Variants in RSF1 observed in about 807,000 individuals in gnomAD.
The protein encoded by RSF1 is HBV pX-associated protein 8.
A neutral mutation model predicts 145.2 loss-of-function variants in RSF1; 13 were observed. The observed-to-expected ratio is 0.09, with a 90% confidence interval of 0.06 to 0.14. RSF1 has a LOEUF of 0.14. Ranked by LOEUF, RSF1 falls within the 10% of genes least tolerant of loss-of-function variation. The pLI is 1.00. For synonymous variants in RSF1, 577 were observed against 592.6 expected (o/e 0.97, Z 0.38); for missense variants, 1,517 against 1,718.2 (o/e 0.88, Z 2.07).
At chr11:77,730,546 C>T (rs2154988) in intron 4 of RSF1, among the ~76,000 whole-genome samples, 27,191 of 152,000 alleles carry the variant, frequency 0.18, 3,056 homozygotes, top group African/African-American at 0.3. Context: ...TCCTTTTCCC[C>T]ACCAAAGCAA....
rs1439704601 is a variant in RSF1, at chr11:77,697,236, AT to A, written c.2715+1250del. ...GAGGCTGGAGAACCACTTCTTAGGA[AT>A]TTTCCAAACTTTAGAGGATCTCAAA... On this transcript the variant is annotated intron_variant, in intron 7 of 15. Transcript: ENST00000308488. Among the ~76,000 whole-genome samples, 3 of 151,748 alleles carry A rather than the reference AT, an allele frequency of 2.0e-5. No individual in the cohort carries two copies. The South Asian group carries it at 6.2e-4, about 31-fold the overall frequency.
chr11:77,859,587 G>A, the RSF1 span, among the ~76,000 whole-genome samples: 1 of 152,268 alleles, frequency 6.6e-6, no homozygotes, highest in Middle Eastern at 3.4e-3. Context: ...CTGAGCACTA[G>A]TTCCTGGAGT....
chr11:77,785,925 C>CAAAAAAAAA (rs10661397), intron 1 of RSF1, among the ~76,000 whole-genome samples: 2 of 37,140 alleles, frequency 5.4e-5, no homozygotes, highest in African/African-American at 9.8e-5. Context: ...GATTCTGTCT[C>CAAAAAAAAA]AAAAAAAAAA....
rs146455875 is a variant in RSF1 at position 77,700,944 on chromosome 11, G to A, written c.2285C>T (p.Thr762Ile). Residue 762 changes from threonine to isoleucine, a missense_variant, in exon 6 of 16, where the codon ACA becomes ATA. By Grantham distance (89) the Thr-to-Ile change is moderately conservative. Coordinates refer to ENST00000308488, the MANE Select transcript of RSF1 (RefSeq NM_016578.4). ...ATTTGTTTTCTCCTCTTCCTTTTCT[G>A]TCTTCTCTTGCTTGTTTTCTGGTTC... ...VLEPENKQEK[T>I]EKEEEKTNVG... The A allele has an allele frequency of 5.3e-5, 85 of 1,613,124 alleles. No individual in the cohort carries two copies. The African/African-American group carries it at 9.9e-4, about 19-fold the overall frequency.
At chr11:77,832,618 G>A in the RSF1 span, among the ~76,000 whole-genome samples, 314 of 151,762 alleles carry the variant, frequency 2.1e-3, 2 homozygotes, top group South Asian at 5.2e-3. Flanking sequence ...GAGCCACCGC[G>A]CCTGGCCATA....
At chr11:77,748,119 C>G (rs375953975) in intron 2 of RSF1, among the ~76,000 whole-genome samples, 1 of 151,710 alleles carries the variant, frequency 6.6e-6, no homozygotes, top group Non-Finnish European at 1.5e-5. Flanking sequence ...AGTGTCATCT[C>G]TTTTCATCGA....
chr11:77,803,646 G>A (rs1454668325), intron 1 of RSF1, among the ~76,000 whole-genome samples: 1 of 151,794 alleles, frequency 6.6e-6, no homozygotes, highest in Non-Finnish European at 1.5e-5. Context: ...GGGCATGGTG[G>A]TGCGCACCTG....
Position 77,701,640 on chromosome 11 carries a change from T to C in RSF1, c.1589A>G (p.Glu530Gly). 1 of 1,614,116 alleles carries C rather than the reference T, an allele frequency of 6.2e-7. No individual in the cohort carries two copies. The highest frequency in any genetic ancestry group is 8.5e-7 in the Non-Finnish European group (1 of 1,180,010). Reference protein sequence around the residue: ...LEIHSQKAQIEEPDPPEMETS... With the variant: ...LEIHSQKAQIGEPDPPEMETS... Reference sequence around the variant, plus strand: ...TTCCATTTCTGGAGGATCGGGTTCCTCTATTTGTGCTTTTTGACTATGGAT... The same window carrying C: ...TTCCATTTCTGGAGGATCGGGTTCCCCTATTTGTGCTTTTTGACTATGGAT... The change falls in exon 6 of 16, where the codon GAG (glutamate) becomes GGG (glycine). Residue 530 changes from glutamate to glycine, a missense_variant. Physicochemically the swap from Glu to Gly is moderately conservative, Grantham distance 98 (BLOSUM62 -2). Around this residue, in one of 12 missense-constraint regions of RSF1, gnomAD observed 579 missense variants for 553.5 expected, o/e 1.05. Transcript: ENST00000308488.
chr11:77,804,703 C>A (rs946066319), intron 1 of RSF1, among the ~76,000 whole-genome samples: 1 of 152,048 alleles, frequency 6.6e-6, no homozygotes, highest in Non-Finnish European at 1.5e-5. Flanking sequence ...TATGGTGACA[C>A]GTTCCTGTGG....
chr11:77,822,808 CAA>C (rs1246974606), upstream of RSF1, among the ~76,000 whole-genome samples: 2 of 152,152 alleles, frequency 1.3e-5, no homozygotes, highest in East Asian at 3.8e-4. Flanking sequence ...TGTAAGAAAT[CAA>C]AGTCTAAAGA....
At chr11:77,725,754 C>G (rs1056631733) in intron 4 of RSF1, 55 bp from the exon 5 acceptor site, 1 of 1,377,338 alleles carries the variant, frequency 7.3e-7, no homozygotes. Flanking sequence ...TTCTAGAGAA[C>G]TTTCTGAATA....
At position 77,720,554 on chromosome 11, in the gene RSF1, A is replaced by G. The variant is rs1960919147; in HGVS notation, c.733+4991T>C. On this transcript the variant is annotated intron_variant, in intron 5 of 15. Coordinates refer to ENST00000308488, the MANE Select transcript of RSF1 (RefSeq NM_016578.4). ...CCAAACACTTACTTGGAAATCTACC[A>G]CAGTCTGAGAATAACAACTCAAAAA... Among the ~76,000 whole-genome samples, 6 of 152,238 alleles carry G rather than the reference A, an allele frequency of 3.9e-5. No homozygotes were observed. The South Asian group carries it at 1.2e-3, about 32-fold the overall frequency.
chr11:77,737,708 T>C (rs549306817), intron 4 of RSF1, among the ~76,000 whole-genome samples: 2 of 108,618 alleles, frequency 1.8e-5, no homozygotes, highest in South Asian at 4.2e-4. Flanking sequence ...CATGGAGAAA[T>C]GGTCAAGCAT....
At chr11:77,823,313 C>T (rs376547139), upstream of RSF1, among the ~76,000 whole-genome samples, 45 of 151,066 alleles carry the variant, frequency 3.0e-4, no homozygotes, top group African/African-American at 9.5e-4. Context: ...TTTAATAAGT[C>T]GGAAAATATT....
the RSF1 span, among the ~76,000 whole-genome samples, chr11:77,871,411 G>T: frequency 1.3e-5 from 2 of 152,256 alleles, no homozygotes; most frequent in African/African-American, 4.8e-5. Context: ...ACTGGTGACG[G>T]TGCGATAAAC....
intron 4 of RSF1, among the ~76,000 whole-genome samples, chr11:77,729,820 AT>A (rs1436554104): frequency 6.8e-6 from 1 of 146,530 alleles, no homozygotes; most frequent in African/African-American, 2.5e-5. Flanking sequence ...TTTTGTAAAT[AT>A]TTTAAATATA....
At chr11:77,820,825 T>G, upstream of RSF1, 6 of 1,129,814 alleles carry the variant, frequency 5.3e-6, no homozygotes, top group Non-Finnish European at 7.4e-6. Flanking sequence ...AGTGGGCTCC[T>G]CTGCGGATCC....
At chr11:77,817,040 T>C (rs1948787919) in intron 1 of RSF1, among the ~76,000 whole-genome samples, 1 of 152,218 alleles carries the variant, frequency 6.6e-6, no homozygotes, top group South Asian at 2.1e-4. Flanking sequence ...ATAAAGGCAA[T>C]GACACAATAG....
rs936686412 is a variant in RSF1 at position 77,820,534 on chromosome 11, C to T, written c.181G>A (p.Gly61Arg). ...GTTCGGGCCCCTCGCTTACCTTCTC[C>T]GTTGCCGACGTCCGGCGGCGGCGCC... Reference protein sequence around the residue: ...LQAPPPDVGNGEVPKELVELH... With the variant: ...LQAPPPDVGNREVPKELVELH... The change falls in exon 1 of 16, where the codon GGA (glycine) becomes AGA (arginine). Residue 61 changes from glycine (G) to arginine (R), a missense_variant. Gly to Arg is a moderately radical substitution (Grantham distance 125). Coordinates refer to ENST00000308488, the MANE Select transcript of RSF1 (RefSeq NM_016578.4). 11 of 1,547,836 alleles carry T rather than the reference C, an allele frequency of 7.1e-6. No individual in the cohort carries two copies. The highest frequency in any genetic ancestry group is 8.7e-6 in the Non-Finnish European group (10 of 1,146,652).
Sources: allele counts gnomAD v4.1 joint callset (sites outside exome capture counted in the v4.1 genomes callset), GRCh38; gene constraint gnomAD v4.1.1; regional missense constraint gnomAD v4.1.1; transcripts MANE v1.5; gene names NCBI Gene and HGNC (gene_info 2026-07-23, HGNC 2026-07-21).